PRKCB: variants seen among roughly 807,000 people sequenced by gnomAD.
The protein encoded by PRKCB is protein kinase C beta type.
A neutral mutation model predicts 81.5 loss-of-function variants in PRKCB; 13 were observed. The observed-to-expected ratio is 0.16, with a 90% CI of 0.10 to 0.25. PRKCB has a LOEUF of 0.25. PRKCB is among the 10% of genes least tolerant of loss of function. The probability of loss-of-function intolerance (pLI) is 1.00; values close to 1 mark genes in which losing one functional copy is unlikely to be tolerated. For missense variants in PRKCB, 509 were observed against 875.7 expected (o/e 0.58, Z 5.29); for synonymous variants, 335 against 321.4 (o/e 1.04, Z -0.45).
chr16:24,136,801 G>A (rs1278913061), intron 9 of PRKCB, among the ~76,000 whole-genome samples: 3 of 152,108 alleles, frequency 2.0e-5, no homozygotes, highest in South Asian at 2.1e-4. Context: ...AGAAAACGAC[G>A]GGCCTGTCTG....
chr16:24,177,261 G>T (rs890539758), intron 12 of PRKCB, among the ~76,000 whole-genome samples: 2 of 152,136 alleles, frequency 1.3e-5, no homozygotes, highest in African/African-American at 4.8e-5. Context: ...CCATGGATCC[G>T]GCTCACTGGC....
intron 2 of PRKCB, among the ~76,000 whole-genome samples, chr16:23,935,094 T>C (rs1462520837): frequency 6.6e-6 from 1 of 152,026 alleles, no homozygotes; most frequent in Non-Finnish European, 1.5e-5. Flanking sequence ...GCTTAATAGG[T>C]ACAAACTGGG....
chr16:24,039,340 G>A (rs1003494016), intron 5 of PRKCB, among the ~76,000 whole-genome samples: 4 of 152,044 alleles, frequency 2.6e-5, no homozygotes, highest in South Asian at 2.1e-4. Context: ...GCGATTCTCC[G>A]GTCTCAGCCT....
chr16:23,877,735 A>G (rs1337153723), intron 2 of PRKCB, among the ~76,000 whole-genome samples: 2 of 152,226 alleles, frequency 1.3e-5, no homozygotes, highest in Admixed American at 6.5e-5. Flanking sequence ...GAGAATGGCT[A>G]CATCACACTT....
chr16:23,841,818 G>A (rs1181586696), intron 2 of PRKCB, among the ~76,000 whole-genome samples: 1 of 151,806 alleles, frequency 6.6e-6, no homozygotes, highest in Non-Finnish European at 1.5e-5. Context: ...ACCATGCCCG[G>A]CTAATTTTTA....
intron 5 of PRKCB, among the ~76,000 whole-genome samples, chr16:24,080,628 G>C (rs544427946): frequency 6.3e-4 from 96 of 152,324 alleles, no homozygotes; most frequent in African/African-American, 2.2e-3. Flanking sequence ...GTAAAGGTCA[G>C]TAAAGAGGTG....
chr16:24,114,447 G>A lies in PRKCB; in HGVS notation c.918+1378G>A, dbSNP rs185500145. On this transcript the variant is annotated intron_variant, in intron 8 of 16. Transcript: ENST00000643927. ...TACCCTGGGGGTAGATCTTCCCAGA[G>A]AATAGTTTTATCAAATGGAAAGCCC... Among the ~76,000 whole-genome samples, 11 of 151,352 alleles carry A rather than the reference G, an allele frequency of 7.3e-5. No homozygotes were observed. The East Asian group carries it at 2.2e-3, about 30-fold the overall frequency.
chr16:24,084,489 A>G (rs1019554984), intron 5 of PRKCB, among the ~76,000 whole-genome samples: 54 of 152,284 alleles, frequency 3.5e-4, no homozygotes, highest in Non-Finnish European at 6.3e-4. Context: ...AGCGGTTAAG[A>G]AAATGGATAT....
intron 5 of PRKCB, among the ~76,000 whole-genome samples, chr16:24,040,465 G>A (rs1965684903): frequency 6.6e-6 from 1 of 152,032 alleles, no homozygotes; most frequent in Admixed American, 6.5e-5. Flanking sequence ...CCCTTTCGTA[G>A]ACACTCATGG....
Position 23,886,406 on chromosome 16 carries a change from G to GTTTTTTT in PRKCB, c.205+49020_205+49026dup, listed in dbSNP as rs398029038. On this transcript the variant is annotated intron_variant, in intron 2 of 16. Coordinates refer to ENST00000643927, the MANE Select transcript of PRKCB (RefSeq NM_002738.7). Reference sequence around the variant, plus strand: ...AGGGTTGGACTATGGTGTGTTAGGTGTTTTTTTTTTTTTTTTTTTTTTTTT... The same window carrying GTTTTTTT: ...AGGGTTGGACTATGGTGTGTTAGGTGTTTTTTTTTTTTTTTTTTTTTTTTTTTTTTTT... Among the ~76,000 whole-genome samples, 451 of 70,216 alleles carry GTTTTTTT rather than the reference G, an allele frequency of 6.4e-3. 35 individuals carry two copies. Among genetic ancestry groups the GTTTTTTT allele is most frequent in the Non-Finnish European group, 8.8e-3 (352 of 39,904 alleles). 46.1% of individuals were successfully genotyped at this position (70,216 alleles called of 152,430 possible).
intron 2 of PRKCB, among the ~76,000 whole-genome samples, chr16:23,925,062 G>A (rs1449446174): frequency 6.6e-6 from 1 of 152,000 alleles, no homozygotes; most frequent in African/African-American, 2.4e-5. Flanking sequence ...ACCATTGATT[G>A]GCACATCTGG....
chr16:23,849,444 C>G (rs1003174488), intron 2 of PRKCB, among the ~76,000 whole-genome samples: 2 of 152,226 alleles, frequency 1.3e-5, no homozygotes, highest in African/African-American at 4.8e-5. Context: ...AGGTAGAGAC[C>G]ATTCTTTAGA....
intron 5 of PRKCB, among the ~76,000 whole-genome samples, chr16:24,037,953 C>T (rs566032621): frequency 5.3e-5 from 8 of 151,736 alleles, no homozygotes; most frequent in South Asian, 2.1e-4. Flanking sequence ...TTTGGAAGAC[C>T]GAGGTGGGTG....
chr16:23,934,020 C>CCCA, intron 2 of PRKCB, among the ~76,000 whole-genome samples: 1 of 27,442 alleles, frequency 3.6e-5, no homozygotes, highest in African/African-American at 2.6e-4. Context: ...TTTCTACCCA[C>CCCA]TCATCCATCC....
chr16:23,866,010 C>T (rs918026058), intron 2 of PRKCB, among the ~76,000 whole-genome samples: 2 of 145,054 alleles, frequency 1.4e-5, no homozygotes, highest in Non-Finnish European at 3.0e-5. Context: ...GTCTACCCCA[C>T]CCTTCAAGTA....
chr16:23,880,829 T>C (rs953641453), intron 2 of PRKCB, among the ~76,000 whole-genome samples: 1 of 152,320 alleles, frequency 6.6e-6, no homozygotes, highest in Middle Eastern at 3.4e-3. Flanking sequence ...TACCCATGTC[T>C]CTCTGTCTCT....
At chr16:24,098,766 T>A (rs898418305) in intron 7 of PRKCB, 4 of 152,314 alleles carry the variant, frequency 2.6e-5, no homozygotes, top group African/African-American at 7.2e-5. Flanking sequence ...TTAACATGTA[T>A]CTTTGCAGAC....
intron 2 of PRKCB, chr16:23,893,589 G>C (rs555500508): frequency 6.6e-6 from 1 of 152,202 alleles, no homozygotes. Context: ...ACCATCCGGC[G>C]TTGTTAACAT....
rs60933315 is a variant in PRKCB at position 24,145,431 on chromosome 16, A to G, written c.1066-9253A>G. ...AATGTCTACCAAAAAAGAGAGAAAA[A>G]GAGAATAGAATGTTTATGAGAGCGA... On this transcript the variant is annotated intron_variant, in intron 9 of 16. Coordinates refer to ENST00000643927, the MANE Select transcript of PRKCB (RefSeq NM_002738.7). 4.3e-3 allele frequency among the ~76,000 whole-genome samples: 662 copies of G among 152,302 alleles called. 5 individuals are homozygous for G. Among genetic ancestry groups the G allele is most frequent in the African/African-American group, 0.013 (546 of 41,556 alleles).
Sources: gnomAD v4.1 joint callset for allele counts (sites outside exome capture counted in the v4.1 genomes callset) on GRCh38, gnomAD v4.1.1 for gene constraint, MANE v1.5 for transcripts, NCBI Gene and HGNC (gene_info 2026-07-23, HGNC 2026-07-21) for gene names.